NLGN1: variants seen among roughly 807,000 people sequenced by gnomAD.
NLGN1 encodes the protein neuroligin 1.
In NLGN1, 12 loss-of-function variants were observed where a neutral mutation model predicts 65.5. That is an observed-to-expected ratio of 0.18 (90% CI 0.12 to 0.30). The LOEUF (loss-of-function observed/expected upper bound fraction) is 0.30, where lower values mean the gene tolerates loss of function less well. Ranked by LOEUF, NLGN1 falls within the 10% of genes least tolerant of loss-of-function variation. NLGN1 has a pLI of 1.00. For missense variants in NLGN1, 750 were observed against 1,007.1 expected (o/e 0.74, Z 3.46); for synonymous variants, 350 against 359.5 (o/e 0.97, Z 0.30).
intron 4 of NLGN1, among the ~76,000 whole-genome samples, chr3:174,137,473 C>A (rs745949107): frequency 2.6e-5 from 4 of 152,070 alleles, no homozygotes; most frequent in African/African-American, 4.8e-5. Context: ...CTAATGTCAA[C>A]CTTCTGAACC....
At position 174,007,960 on chromosome 3, in the gene NLGN1, G is replaced by C. The variant is rs1217503477; in HGVS notation, c.646+200128G>C. Among the ~76,000 whole-genome samples the C allele has an allele frequency of 3.3e-5, 5 of 151,200 alleles. No individual in the cohort carries two copies. The East Asian group carries it at 5.8e-4, about 18-fold the overall frequency. On this transcript the variant is annotated intron_variant, in intron 4 of 6. Transcript: ENST00000457714. ...CCCAGACCAGTCTAAGTGTGTGTGTGTGTGTGTGTGTGTGTGTGTGTGTTG... is the reference window on the plus strand; with the variant it reads ...CCCAGACCAGTCTAAGTGTGTGTGTCTGTGTGTGTGTGTGTGTGTGTGTTG...
chr3:173,737,080 A>G (rs1458120431), intron 3 of NLGN1, among the ~76,000 whole-genome samples: 1 of 152,024 alleles, frequency 6.6e-6, no homozygotes, highest in Non-Finnish European at 1.5e-5. Context: ...AGATCACATG[A>G]TAAATGCAAA....
intron 4 of NLGN1, among the ~76,000 whole-genome samples, chr3:174,003,107 G>T (rs1283724089): frequency 6.6e-6 from 1 of 152,032 alleles, no homozygotes; most frequent in African/African-American, 2.4e-5. Flanking sequence ...TGTTCAGAGA[G>T]AATCTCACAC....
At chr3:173,542,111 A>G (rs1338118587) in intron 2 of NLGN1, among the ~76,000 whole-genome samples, 3 of 151,870 alleles carry the variant, frequency 2.0e-5, no homozygotes, top group Non-Finnish European at 2.9e-5. Flanking sequence ...TTTACTTTGT[A>G]TTTTTAATAT....
At chr3:173,972,812 A>G (rs926220808) in intron 4 of NLGN1, among the ~76,000 whole-genome samples, 2 of 152,054 alleles carry the variant, frequency 1.3e-5, no homozygotes, top group Admixed American at 1.3e-4. Flanking sequence ...TAGTAGCATC[A>G]ACATCTCCTG....
In NLGN1 at chr3:174,255,435, CAA is replaced by C. The variant is rs71162383; in HGVS notation, c.647-19860_647-19859del. Among the ~76,000 whole-genome samples the C allele has an allele frequency of 7.7e-4, 54 of 70,226 alleles. No homozygotes were observed. The South Asian group carries it at 0.013, about 16-fold the overall frequency. The allele number at this position is 70,226 out of a possible 152,430, so 46.1% of individuals were successfully genotyped here. A position where few individuals can be genotyped will look rare whatever the true frequency, so the allele number is the denominator to read the frequency against. On this transcript the variant is annotated intron_variant, in intron 4 of 6. Transcript: ENST00000457714. Reference sequence around the variant, plus strand: ...TAGGCGATAGAGCAAGACTCTGTCTCAAAAAAAAAAAAAAAAAAAAAGCGCAA... The same window carrying C: ...TAGGCGATAGAGCAAGACTCTGTCTCAAAAAAAAAAAAAAAAAAAGCGCAA...
chr3:173,945,585 C>T (rs1746994879), intron 4 of NLGN1, among the ~76,000 whole-genome samples: 1 of 152,094 alleles, frequency 6.6e-6, no homozygotes, highest in Admixed American at 6.5e-5. Context: ...GAAATATGTA[C>T]ATATTTTCAA....
chr3:174,193,855 A>G (rs888939398), intron 4 of NLGN1, among the ~76,000 whole-genome samples: 1 of 152,202 alleles, frequency 6.6e-6, no homozygotes, highest in Non-Finnish European at 1.5e-5. Flanking sequence ...AAATATTTTC[A>G]TTACAAATTC....
chr3:173,856,806 T>G (rs1188620948), intron 4 of NLGN1, among the ~76,000 whole-genome samples: 1 of 152,064 alleles, frequency 6.6e-6, no homozygotes, highest in Non-Finnish European at 1.5e-5. Context: ...TAAAATATTA[T>G]CATAAAGCCA....
chr3:173,453,765 C>A (rs1414532707), intron 2 of NLGN1, among the ~76,000 whole-genome samples: 1 of 152,146 alleles, frequency 6.6e-6, no homozygotes, highest in Non-Finnish European at 1.5e-5. Context: ...GCAGTTACTT[C>A]CTCCACTGAA....
intron 4 of NLGN1, among the ~76,000 whole-genome samples, chr3:174,039,060 C>A (rs189152178): frequency 6.6e-6 from 1 of 152,062 alleles, no homozygotes; most frequent in African/African-American, 2.4e-5. Flanking sequence ...AAAAGCAATT[C>A]GCTTAGCGAG....
At chr3:174,192,809 C>T (rs1234877609) in intron 4 of NLGN1, among the ~76,000 whole-genome samples, 1 of 152,042 alleles carries the variant, frequency 6.6e-6, no homozygotes, top group African/African-American at 2.4e-5. Flanking sequence ...CATTTTTTCC[C>T]CAATTTCCCT....
intron 4 of NLGN1, among the ~76,000 whole-genome samples, chr3:174,107,945 C>T (rs1241124424): frequency 1.3e-5 from 2 of 152,060 alleles, no homozygotes; most frequent in Non-Finnish European, 2.9e-5. Context: ...ATGGAAATGG[C>T]TCTTCATGTC....
At chr3:174,039,346 G>C (rs977364569) in intron 4 of NLGN1, among the ~76,000 whole-genome samples, 1 of 151,968 alleles carries the variant, frequency 6.6e-6, no homozygotes, top group African/African-American at 2.4e-5. Context: ...ATGGTGGTTT[G>C]CTGCACCTCT....
intron 3 of NLGN1, among the ~76,000 whole-genome samples, chr3:173,805,986 T>C (rs1467279186): frequency 2.0e-5 from 3 of 152,164 alleles, no homozygotes; most frequent in African/African-American, 7.2e-5. Flanking sequence ...CAGATTTTCC[T>C]CTTAAATGTG....
At chr3:173,447,523 G>A (rs148413024) in intron 2 of NLGN1, among the ~76,000 whole-genome samples, 18,893 of 152,166 alleles carry the variant, frequency 0.12, 1,318 homozygotes, top group South Asian at 0.23. Flanking sequence ...TGTTCTTTTG[G>A]CTTAGGATTG....
intron 4 of NLGN1, chr3:173,910,623 TCTA>T (rs1211455751): frequency 6.6e-6 from 1 of 152,218 alleles, no homozygotes; most frequent in African/African-American, 2.4e-5. Flanking sequence ...TCAACTATAT[TCTA>T]CTAAAGTTCT....
At chr3:173,716,921 C>T (rs1462016241) in intron 3 of NLGN1, among the ~76,000 whole-genome samples, 1 of 152,074 alleles carries the variant, frequency 6.6e-6, no homozygotes, top group African/African-American at 2.4e-5. Context: ...TGCCTCATAC[C>T]GTTTATCCTG....
intron 3 of NLGN1, 150 bp downstream of exon 3, chr3:173,605,743 G>A: frequency 5.2e-6 from 2 of 382,904 alleles, no homozygotes; most frequent in Non-Finnish European, 1.0e-5. Flanking sequence ...ATATAAAGGT[G>A]TTTAAGGAGA....
Sources: allele counts gnomAD v4.1 joint callset (sites outside exome capture counted in the v4.1 genomes callset), GRCh38; gene constraint gnomAD v4.1.1; transcripts MANE v1.5; gene names NCBI Gene and HGNC (gene_info 2026-07-23, HGNC 2026-07-21).